The following LPP variants were observed in gnomAD, a reference collection of about 807,000 sequenced individuals.
LPP encodes the protein lipoma-preferred partner.
In LPP, 38 loss-of-function variants were observed where a neutral mutation model predicts 60.4. That is an observed-to-expected ratio of 0.63 (90% confidence interval 0.49 to 0.83). The LOEUF is 0.83. Among genes scored for constraint, LPP ranks in the 40% least tolerant of loss-of-function variants. The pLI, the probability that LPP is intolerant of heterozygous loss-of-function variation, is 0.00. For missense variants in LPP, 902 were observed against 783.6 expected (o/e 1.15, Z -1.80); for synonymous variants, 328 against 290.8 (o/e 1.13, Z -1.30).
At chr3:188,683,932 G>A (rs1860089769) in intron 7 of LPP, among the ~76,000 whole-genome samples, 1 of 152,216 alleles carries the variant, frequency 6.6e-6, no homozygotes, top group African/African-American at 2.4e-5. Flanking sequence ...CTATGGTATA[G>A]TTGAGGAAAC....
chr3:188,689,319 A>C (rs1470110815), intron 7 of LPP, among the ~76,000 whole-genome samples: 1 of 152,208 alleles, frequency 6.6e-6, no homozygotes, highest in East Asian at 1.9e-4. Context: ...CAAAAGTCAG[A>C]ATCGAAGTCA....
At chr3:188,175,213 G>A (rs1159499084) in intron 1 of LPP, among the ~76,000 whole-genome samples, 1 of 152,098 alleles carries the variant, frequency 6.6e-6, no homozygotes, top group African/African-American at 2.4e-5. Flanking sequence ...AGCCTCCCAA[G>A]TAGCTGGGAT....
chr3:188,445,172 A>G (rs1038720983), intron 4 of LPP, among the ~76,000 whole-genome samples: 4 of 152,232 alleles, frequency 2.6e-5, no homozygotes, highest in Admixed American at 6.5e-5. Flanking sequence ...ATTCCACTAT[A>G]AAGACACATG....
At chr3:188,240,525 G>T (rs2149451034) in intron 2 of LPP, among the ~76,000 whole-genome samples, 1 of 152,196 alleles carries the variant, frequency 6.6e-6, no homozygotes, top group East Asian at 1.9e-4. Context: ...TATTTTGTAG[G>T]GAAGGAAACT....
At chr3:188,862,761 GAAAA>G (rs1389502234) in intron 9 of LPP, among the ~76,000 whole-genome samples, 6 of 110,644 alleles carry the variant, frequency 5.4e-5, no homozygotes, top group African/African-American at 1.5e-4. Flanking sequence ...AAGAAAGAAA[GAAAA>G]AGAAAGAGAG....
intron 7 of LPP, among the ~76,000 whole-genome samples, chr3:188,638,890 T>A (rs1462086843): frequency 1.3e-5 from 2 of 151,978 alleles, no homozygotes; most frequent in African/African-American, 4.8e-5. Context: ...GGAAGAACAT[T>A]CCATGCTCAT....
rs531512734 is a variant in LPP, at chr3:188,396,003, T to C, written c.-9-10109T>C. 2.0e-5 allele frequency among the ~76,000 whole-genome samples: 3 copies of C among 152,210 alleles called. No individual in the cohort carries two copies. In the South Asian group the frequency reaches 6.2e-4, roughly 32 times the overall value. On this transcript the variant is annotated intron_variant, in intron 3 of 11. Transcript: ENST00000617246. ...CTCAATTCAAAAGCTCTAAGCTAAT[T>C]TATAGTAGTTCTGATGTAGGATACA...
At chr3:188,235,657 G>A (rs1032946853) in intron 2 of LPP, among the ~76,000 whole-genome samples, 6 of 152,162 alleles carry the variant, frequency 3.9e-5, no homozygotes, top group Admixed American at 2.6e-4. Context: ...TAGCATTATT[G>A]AAGGAAAGGA....
chr3:188,609,870 G>A lies in LPP; in HGVS notation c.1113+26G>A, dbSNP rs1383665064. On this transcript the variant is annotated intron_variant, in intron 7 of 11. Coordinates refer to ENST00000617246, the MANE Select transcript of LPP (RefSeq NM_001375462.1). This position sits in a 1 kb window ranked among gnomAD's most constrained non-coding sequence, Gnocchi z 6.9. ...GTAAGAAACTCAGTAACATAAGGAG[G>A]AGAATACAGGGGTGCCTATCTTAGT... 6.3e-7 allele frequency: 1 copy of A among 1,583,528 alleles called. No individual in the cohort carries two copies. The highest frequency in any genetic ancestry group is 1.2e-5 in the South Asian group (1 of 85,738).
At position 188,719,443 on chromosome 3, in the gene LPP, A is replaced by T. The variant is rs753888794; in HGVS notation, c.1240+11050A>T. Among the ~76,000 whole-genome samples the T allele has an allele frequency of 3.3e-5, 5 of 152,236 alleles. 1 individual carries two copies. Among genetic ancestry groups the T allele is most frequent in the Non-Finnish European group, 5.9e-5 (4 of 68,048 alleles). ...TTCATACCGTCTTGATACAAACAGC[A>T]GACATCCAGTCATTCAGCTGCGTTA... On this transcript the variant is annotated intron_variant, in intron 8 of 11. Coordinates refer to ENST00000617246, the MANE Select transcript of LPP (RefSeq NM_001375462.1).
chr3:188,406,047 T>C (rs1431596742), intron 3 of LPP, 65 bp from the exon 4 acceptor site: 11 of 1,370,080 alleles, frequency 8.0e-6, no homozygotes, highest in Non-Finnish European at 1.1e-5. Flanking sequence ...GAAATAGCAA[T>C]GAAATGAGGA....
chr3:188,287,803 C>T (rs1262647521), intron 2 of LPP, among the ~76,000 whole-genome samples: 1 of 152,088 alleles, frequency 6.6e-6, no homozygotes, highest in Non-Finnish European at 1.5e-5. Flanking sequence ...TAGGAGACAA[C>T]ATTGATTTCA....
At chr3:188,384,789 CAAAAAAAAAAAAAAAAAAAA>C (rs561284077) in intron 3 of LPP, among the ~76,000 whole-genome samples, 1 of 51,452 alleles carries the variant, frequency 1.9e-5, no homozygotes, top group African/African-American at 7.9e-5. Flanking sequence ...GACTCTGTCT[CAAAAAAAAAAAAAAAAAAAA>C]AAAAAAAAAA....
chr3:188,809,615 T>A (rs573529408), intron 9 of LPP, among the ~76,000 whole-genome samples: 2 of 152,330 alleles, frequency 1.3e-5, no homozygotes, highest in South Asian at 4.1e-4. Flanking sequence ...AAAAATTTTC[T>A]CCCTTTCTGT....
chr3:188,785,669 C>T (rs1460118643), intron 9 of LPP, among the ~76,000 whole-genome samples: 2 of 151,288 alleles, frequency 1.3e-5, no homozygotes, highest in Non-Finnish European at 2.9e-5. Flanking sequence ...CTGCTATAAA[C>T]ATGCTTGTGC....
At chr3:188,716,401 T>C (rs949821339) in intron 8 of LPP, among the ~76,000 whole-genome samples, 2 of 152,224 alleles carry the variant, frequency 1.3e-5, no homozygotes, top group Non-Finnish European at 2.9e-5. Flanking sequence ...CAGTGAATGT[T>C]CATGAATAGA....
chr3:188,209,754 T>C (rs1577308340), intron 1 of LPP, among the ~76,000 whole-genome samples: 1 of 152,262 alleles, frequency 6.6e-6, no homozygotes, highest in Non-Finnish European at 1.5e-5. Context: ...GACTTGCAGG[T>C]CTATCTTCTG....
intron 5 of LPP, among the ~76,000 whole-genome samples, chr3:188,509,766 C>T (rs1470746218): frequency 6.7e-5 from 10 of 150,214 alleles, no homozygotes; most frequent in African/African-American, 2.2e-4. Flanking sequence ...GATCTCGGCT[C>T]ACTGCAAACT....
intron 3 of LPP, among the ~76,000 whole-genome samples, chr3:188,386,877 G>A (rs1055684268): frequency 2.0e-5 from 3 of 152,108 alleles, no homozygotes; most frequent in Non-Finnish European, 2.9e-5. Context: ...GTTTTCAACT[G>A]CTTATTTATA....
Sources: allele counts gnomAD v4.1 joint callset (sites outside exome capture counted in the v4.1 genomes callset), GRCh38; gene constraint gnomAD v4.1.1; non-coding constraint Gnocchi (gnomAD v3.1); transcripts MANE v1.5; gene names NCBI Gene and HGNC (gene_info 2026-07-23, HGNC 2026-07-21).